Variants in HERC6 observed in about 807,000 individuals in gnomAD.
HERC6 encodes the protein probable E3 ubiquitin-protein ligase HERC6.
In HERC6, 101 loss-of-function variants were observed where a neutral mutation model predicts 114.5. That is an observed-to-expected ratio of 0.88 (90% CI 0.75 to 1.04). The LOEUF (loss-of-function observed/expected upper bound fraction) is 1.04. HERC6 is among the 50% of genes least tolerant of loss of function. HERC6 has a pLI of 0.00. For synonymous variants in HERC6, 408 were observed against 436.2 expected (o/e 0.94, Z 0.81); for missense variants, 1,133 against 1,230.9 (o/e 0.92, Z 1.19).
rs541711038 is a variant in HERC6, at chr4:88,380,783, T to C, written c.199+1663T>C. 2.7e-4 allele frequency among the ~76,000 whole-genome samples: 41 copies of C among 151,750 alleles called. No homozygotes were observed. In the South Asian group the frequency reaches 8.5e-3, roughly 32 times the overall value. On this transcript the variant is annotated intron_variant, in intron 1 of 22. Coordinates refer to ENST00000264346, the MANE Select transcript of HERC6 (RefSeq NM_017912.4). ...ATAATACAATAATCGTTATGGATTATTGTAGAAATACGAGAAAGCAATCAC... is the reference window on the plus strand; with the variant it reads ...ATAATACAATAATCGTTATGGATTACTGTAGAAATACGAGAAAGCAATCAC...
intron 1 of HERC6, 25 bp downstream of exon 1, chr4:88,379,145 G>A (rs775334917): frequency 2.4e-5 from 37 of 1,522,798 alleles, no homozygotes; most frequent in Non-Finnish European, 3.3e-5. Context: ...CCAGGTGCAG[G>A]GTGTGAGGAC....
intron 13 of HERC6, among the ~76,000 whole-genome samples, chr4:88,421,719 T>C (rs1737089298): frequency 6.6e-6 from 1 of 152,196 alleles, no homozygotes; most frequent in Non-Finnish European, 1.5e-5. Flanking sequence ...GTGCTAGGAT[T>C]ACAGGCATAA....
intron 11 of HERC6, among the ~76,000 whole-genome samples, chr4:88,409,594 G>T (rs1401333345): frequency 2.0e-5 from 3 of 152,180 alleles, no homozygotes; most frequent in Non-Finnish European, 2.9e-5. Flanking sequence ...TATAGGAAAA[G>T]AGCATTGGTT....
At chr4:88,435,235 TAGCGTC>T (rs1265550955) in intron 17 of HERC6, among the ~76,000 whole-genome samples, 2 of 152,092 alleles carry the variant, frequency 1.3e-5, no homozygotes, top group African/African-American at 4.8e-5. Context: ...TCTTGGTCCC[TAGCGTC>T]AGTCACCCTC....
At chr4:88,388,441 C>A (rs1241979677) in intron 3 of HERC6, among the ~76,000 whole-genome samples, 1 of 151,194 alleles carries the variant, frequency 6.6e-6, no homozygotes, top group Non-Finnish European at 1.5e-5. Context: ...ATCCTAGCTA[C>A]TTGGGAGACT....
At chr4:88,397,415 C>CAT (rs940393955) in intron 7 of HERC6, among the ~76,000 whole-genome samples, 1 of 151,966 alleles carries the variant, frequency 6.6e-6, no homozygotes, top group Non-Finnish European at 1.5e-5. Context: ...CCTGGCTGTA[C>CAT]ATATATATAT....
rs1388560251 is a variant in HERC6, at chr4:88,404,873, A to G, written c.1093-3A>G. ...ATCATTCTTGTTTCTTCCTTCCCTG[A>G]AGGATACTAGTTCCACACGTGCTCC... is the stretch of plus-strand genomic sequence containing the variant. On this transcript the variant is annotated splice_polypyrimidine_tract_variant and splice_region_variant and intron_variant, in intron 8 of 22. Coordinates refer to ENST00000264346, the MANE Select transcript of HERC6 (RefSeq NM_017912.4). 6 of 1,613,190 alleles carry G rather than the reference A, an allele frequency of 3.7e-6. No homozygotes were observed. Among genetic ancestry groups the G allele is most frequent in the Non-Finnish European group, 3.4e-6 (4 of 1,179,408 alleles).
intron 11 of HERC6, among the ~76,000 whole-genome samples, chr4:88,412,541 A>G (rs1425655351): frequency 6.6e-6 from 1 of 152,192 alleles, no homozygotes; most frequent in Non-Finnish European, 1.5e-5. Context: ...GGCTGCAGTG[A>G]GCTATGATTG....
At chr4:88,411,118 A>G (rs1193701370) in intron 11 of HERC6, among the ~76,000 whole-genome samples, 1 of 152,224 alleles carries the variant, frequency 6.6e-6, no homozygotes, top group Non-Finnish European at 1.5e-5. Flanking sequence ...CTTAATGTGT[A>G]GTAGATACAA....
intron 18 of HERC6, among the ~76,000 whole-genome samples, chr4:88,436,603 C>A (rs1248816200): frequency 6.6e-6 from 1 of 152,192 alleles, no homozygotes; most frequent in African/African-American, 2.4e-5. Context: ...TGTCTCCAGA[C>A]TTTGCTGAAT....
chr4:88,437,746 A>G lies in HERC6; in HGVS notation c.2520A>G (p.Pro840=). Residue 840 remains proline (P), a synonymous_variant, in exon 20 of 23, where the codon CCA becomes CCG. Coordinates refer to ENST00000264346, the MANE Select transcript of HERC6 (RefSeq NM_017912.4). ...ACCAAAATGATGTTGACTTAATTCC[A>G]AATGGGATCTCCATACCTGTGGACC... ...HWDQNDVDLI[P]NGISIPVDQT... 2 of 1,608,034 alleles carry G rather than the reference A, an allele frequency of 1.2e-6. No homozygotes were observed. Among genetic ancestry groups the G allele is most frequent in the Non-Finnish European group, 1.7e-6 (2 of 1,176,852 alleles).
chr4:88,440,062 G>A lies in HERC6; in HGVS notation c.2739+5G>A. The A allele has an allele frequency of 1.2e-6, 2 of 1,609,530 alleles. No individual in the cohort carries two copies. Among genetic ancestry groups the A allele is most frequent in the Non-Finnish European group, 1.7e-6 (2 of 1,178,320 alleles). On this transcript the variant is annotated splice_donor_5th_base_variant and intron_variant, in intron 21 of 22. Transcript: ENST00000264346. ...GACTGGAAACAGTTTGAACAGGTAG[G>A]TGATACCTAAAGTGCCCCAATTTTT... is the stretch of plus-strand genomic sequence containing the variant.
intron 19 of HERC6, 88 bp downstream of exon 19, chr4:88,437,059 C>CT: frequency 6.9e-6 from 7 of 1,011,644 alleles, no homozygotes; most frequent in Middle Eastern, 2.9e-4. Context: ...ATTTGGGATC[C>CT]CTTTTTTTTT....
rs1197857818 is a variant in HERC6 at position 88,428,583 on chromosome 4, T to A, written c.1939T>A (p.Ser647Thr). 1 of 1,578,824 alleles carries A rather than the reference T, an allele frequency of 6.3e-7. No individual in the cohort carries two copies. Among genetic ancestry groups the A allele is most frequent in the South Asian group, 1.2e-5 (1 of 83,276 alleles). The change falls in exon 16 of 23, where the codon TCA becomes ACA. Residue 647 changes from serine to threonine, a missense_variant. By Grantham distance (58) the Ser-to-Thr change is moderately conservative. Around this residue, in one of 3 missense-constraint regions of HERC6, gnomAD observed 388 missense variants for 445.9 expected, o/e 0.87. Coordinates refer to ENST00000264346, the MANE Select transcript of HERC6 (RefSeq NM_017912.4). ...ACTAAAAAATTTATTTTTCCAGATG[T>A]CAGAAAAGAAAGCATACATGCTTAT... is the stretch of plus-strand genomic sequence containing the variant. ...QADSHIKMQMSEKKAYMLMHE... is the reference protein window; with the variant it reads ...QADSHIKMQMTEKKAYMLMHE...
intron 8 of HERC6, among the ~76,000 whole-genome samples, chr4:88,402,949 A>T (rs1443133264): frequency 2.6e-5 from 4 of 152,202 alleles, no homozygotes; most frequent in African/African-American, 9.7e-5. Flanking sequence ...AGCCGTGGTT[A>T]CCTGTCTTCT....
At chr4:88,411,222 TGTTCCCGGTGTAA>T (rs1011302192) in intron 11 of HERC6, among the ~76,000 whole-genome samples, 2 of 152,190 alleles carry the variant, frequency 1.3e-5, no homozygotes, top group African/African-American at 4.8e-5. Flanking sequence ...TTTGGGGTGC[TGTTCCCGGTGTAA>T]GTTCCAAGGG....
chr4:88,386,403 A>G (rs2110233494), intron 3 of HERC6, among the ~76,000 whole-genome samples: 1 of 151,968 alleles, frequency 6.6e-6, no homozygotes, highest in South Asian at 2.1e-4. Context: ...ACGAGGTTTC[A>G]CTATGTTGGC....
chr4:88,390,361 C>T (rs1734841699), intron 3 of HERC6, among the ~76,000 whole-genome samples: 2 of 151,944 alleles, frequency 1.3e-5, no homozygotes, highest in South Asian at 4.2e-4. Flanking sequence ...AATAATAGTA[C>T]ATTGTATACT....
intron 3 of HERC6, among the ~76,000 whole-genome samples, chr4:88,386,648 G>A (rs1359958363): frequency 6.6e-6 from 1 of 152,244 alleles, no homozygotes; most frequent in African/African-American, 2.4e-5. Context: ...TTGTGGGAAA[G>A]TGACTAGGAA....
Sources: gnomAD v4.1 joint callset for allele counts (sites outside exome capture counted in the v4.1 genomes callset) on GRCh38, gnomAD v4.1.1 for gene constraint, gnomAD v4.1.1 regional missense constraint, MANE v1.5 for transcripts, NCBI Gene and HGNC (gene_info 2026-07-23, HGNC 2026-07-21) for gene names.